CADM1: variants seen among roughly 807,000 people sequenced by gnomAD.
CADM1 encodes cell adhesion molecule 1.
A neutral mutation model predicts 53.1 loss-of-function variants in CADM1; 15 were observed. The observed-to-expected ratio is 0.28, with a 90% CI of 0.19 to 0.44. The LOEUF (loss-of-function observed/expected upper bound fraction) is 0.44. Ranked by LOEUF, CADM1 falls within the 20% of genes least tolerant of loss-of-function variation. The probability of loss-of-function intolerance (pLI) is 1.00; values close to 1 mark genes in which losing one functional copy is unlikely to be tolerated. For missense variants in CADM1, 434 were observed against 611.3 expected, an observed-to-expected ratio of 0.71 and a Z score of 3.06; for synonymous variants, 281 against 243.0, an observed-to-expected ratio of 1.16 and a Z score of -1.45.
chr11:115,260,190 A>G (rs1281033358), intron 1 of CADM1, among the ~76,000 whole-genome samples: 1 of 152,056 alleles, frequency 6.6e-6, no homozygotes, highest in African/African-American at 2.4e-5. Context: ...TTGGCTTCCC[A>G]AAGTGTTGGG....
intron 5 of CADM1, among the ~76,000 whole-genome samples, chr11:115,224,033 G>A (rs1447765003): frequency 4.1e-5 from 6 of 145,608 alleles, no homozygotes; most frequent in South Asian, 2.2e-4. Context: ...ATCTGAAAAC[G>A]CCAGCTATTA....
chr11:115,255,003 G>A (rs1942736625), intron 1 of CADM1, among the ~76,000 whole-genome samples: 1 of 152,148 alleles, frequency 6.6e-6, no homozygotes, highest in African/African-American at 2.4e-5. Flanking sequence ...TCAGTTAAGA[G>A]ACTGCCACAG....
chr11:115,468,789 C>T (rs1458237046), intron 1 of CADM1, among the ~76,000 whole-genome samples: 2 of 152,076 alleles, frequency 1.3e-5, no homozygotes, highest in Non-Finnish European at 2.9e-5. Context: ...TAAAGACATA[C>T]CTGAGACTAG....
chr11:115,284,494 G>T (rs1316829351), intron 1 of CADM1, among the ~76,000 whole-genome samples: 1 of 150,072 alleles, frequency 6.7e-6, no homozygotes, highest in Non-Finnish European at 1.5e-5. Context: ...GTTATAGTCA[G>T]TCAGACAAGG....
At position 115,367,188 on chromosome 11, in the gene CADM1, G is replaced by A. The variant is rs1284821253; in HGVS notation, c.125-126768C>T. 5.3e-5 allele frequency among the ~76,000 whole-genome samples: 8 copies of A among 152,172 alleles called. No homozygotes were observed. In the East Asian group the frequency reaches 5.8e-4, roughly 11 times the overall value. On this transcript the variant is annotated intron_variant, in intron 1 of 11. Coordinates refer to ENST00000331581, the MANE Select transcript of CADM1 (RefSeq NM_001301043.2). ...ATGATTGCGCCTGTGAATAGCCACCGCACTTCAGTCTGGGCCTCATAGCAA... is the reference window on the plus strand; with the variant it reads ...ATGATTGCGCCTGTGAATAGCCACCACACTTCAGTCTGGGCCTCATAGCAA...
intron 1 of CADM1, among the ~76,000 whole-genome samples, chr11:115,372,456 C>G (rs1946332211): frequency 6.6e-6 from 1 of 152,124 alleles, no homozygotes; most frequent in Non-Finnish European, 1.5e-5. Context: ...GATGTGTGAT[C>G]TAAATCACAG....
intron 1 of CADM1, among the ~76,000 whole-genome samples, chr11:115,411,839 A>G (rs1258977960): frequency 1.3e-5 from 2 of 152,138 alleles, no homozygotes; most frequent in African/African-American, 2.4e-5. Context: ...AGAGTTTGAT[A>G]AAAACAAATA....
intron 1 of CADM1, among the ~76,000 whole-genome samples, chr11:115,267,408 G>A (rs1377683520): frequency 2.6e-5 from 4 of 152,146 alleles, no homozygotes; most frequent in Non-Finnish European, 5.9e-5. Flanking sequence ...ATTCTCAGAC[G>A]AGGCCAGCCA....
Position 115,214,697 on chromosome 11 carries a change from T to C in CADM1, c.905A>G (p.Asn302Ser). The change falls in exon 7 of 12, where the codon AAC becomes AGC. Residue 302 changes from asparagine to serine, a missense_variant. Transcript: ENST00000331581. ...VLSGPNLFIN[N>S]LNKTDNGTYR... ...TGTACCATTATCTGTTTTGTTTAGGTTATTGATGAACAGGTTGGGCCCAGA... is the reference window on the plus strand; with the variant it reads ...TGTACCATTATCTGTTTTGTTTAGGCTATTGATGAACAGGTTGGGCCCAGA... 6.2e-7 allele frequency: 1 copy of C among 1,614,032 alleles called. No individual in the cohort carries two copies. Among genetic ancestry groups the C allele is most frequent in the Non-Finnish European group, 8.5e-7 (1 of 1,179,940 alleles).
At chr11:115,472,181 C>T (rs925015242) in intron 1 of CADM1, among the ~76,000 whole-genome samples, 1 of 152,162 alleles carries the variant, frequency 6.6e-6, no homozygotes, top group African/African-American at 2.4e-5. Flanking sequence ...TGAGGAGAAA[C>T]GGAACTCAGT....
chr11:115,487,259 G>C (rs990447477), intron 1 of CADM1, among the ~76,000 whole-genome samples: 15 of 152,108 alleles, frequency 9.9e-5, no homozygotes, highest in African/African-American at 3.6e-4. Flanking sequence ...GAGTGCTTTG[G>C]GAACTAGCAC....
At chr11:115,385,636 A>G (rs1591767761) in intron 1 of CADM1, among the ~76,000 whole-genome samples, 2 of 149,936 alleles carry the variant, frequency 1.3e-5, no homozygotes, top group Admixed American at 6.6e-5. Context: ...GATTAAAGAA[A>G]AAAAAAAAAA....
intron 1 of CADM1, among the ~76,000 whole-genome samples, chr11:115,343,969 T>C (rs1017981070): frequency 6.6e-6 from 1 of 152,142 alleles, no homozygotes; most frequent in African/African-American, 2.4e-5. Flanking sequence ...AATTTGGTAA[T>C]TAATAAACAA....
rs186890843 is a variant in CADM1 at position 115,174,999 on chromosome 11, C to T, written c.*1475G>A. The stretch of plus-strand genomic sequence containing the variant: ...TGTTCAAGGTCACTGATTTTAGTAG[C>T]TATGCACTATGGCTGCCATCATGCG... On this transcript the variant is annotated 3_prime_UTR_variant, in exon 12 of 12. Coordinates refer to ENST00000331581, the MANE Select transcript of CADM1 (RefSeq NM_001301043.2). 5.4e-5 allele frequency: 53 copies of T among 985,848 alleles called. No individual in the cohort carries two copies. The East Asian group carries it at 2.3e-3, about 42-fold the overall frequency. 61.1% of individuals were successfully genotyped at this position (985,848 alleles called of 1,614,324 possible). A position where few individuals can be genotyped will look rare whatever the true frequency, so the allele number is the denominator to read the frequency against.
intron 1 of CADM1, among the ~76,000 whole-genome samples, chr11:115,385,263 A>G (rs1946672171): frequency 6.6e-6 from 1 of 152,122 alleles, no homozygotes. Flanking sequence ...TGCAGATGGG[A>G]AAAAAGGCTT....
intron 1 of CADM1, among the ~76,000 whole-genome samples, chr11:115,479,093 C>A (rs1430697794): frequency 1.3e-5 from 2 of 152,216 alleles, no homozygotes; most frequent in East Asian, 3.9e-4. Flanking sequence ...ATTCACTTAG[C>A]TTTAATTCAC....
intron 6 of CADM1, among the ~76,000 whole-genome samples, chr11:115,216,934 C>T (rs774652919): frequency 3.3e-5 from 5 of 152,100 alleles, no homozygotes; most frequent in Non-Finnish European, 5.9e-5. Flanking sequence ...ATGACGCTGG[C>T]TAGCAAAACT....
chr11:115,401,037 G>A (rs541646699), intron 1 of CADM1, among the ~76,000 whole-genome samples: 8 of 152,152 alleles, frequency 5.3e-5, no homozygotes, highest in African/African-American at 1.7e-4. Context: ...ACAAAAACCC[G>A]CACGCAGATG....
rs546795864 is a variant in CADM1, at chr11:115,299,567, A to G, written c.125-59147T>C. On this transcript the variant is annotated intron_variant, in intron 1 of 11. Transcript: ENST00000331581. ...AAGATGTTTAAAAGGTATGTCCTGT[A>G]AATTAGGAGATATTTATATAGTATA... Among the ~76,000 whole-genome samples, 265 of 152,310 alleles carry G rather than the reference A, an allele frequency of 1.7e-3. 1 individual carries two copies. Among genetic ancestry groups the G allele is most frequent in the Non-Finnish European group, 2.5e-3 (169 of 68,028 alleles).
Sources: allele counts gnomAD v4.1 joint callset (sites outside exome capture counted in the v4.1 genomes callset), GRCh38; gene constraint gnomAD v4.1.1; transcripts MANE v1.5; gene names NCBI Gene and HGNC (gene_info 2026-07-23, HGNC 2026-07-21).